The following TRIM42 variants were observed in gnomAD, a reference collection of about 807,000 sequenced individuals.
TRIM42 encodes the protein tripartite motif containing 42.
Under a neutral mutation model 64.9 loss-of-function variants are expected in TRIM42, and 59 were observed. The ratio of observed to expected loss-of-function variants is 0.91; its 90% CI spans 0.74 to 1.13. TRIM42 has a LOEUF of 1.13. TRIM42 is among the 50% of genes most tolerant of loss of function. The pLI is 0.00. For synonymous variants in TRIM42, 354 were observed against 346.3 expected, an observed-to-expected ratio of 1.02 and a Z score of -0.25; for missense variants, 878 against 929.5, an observed-to-expected ratio of 0.94 and a Z score of 0.72.
Position 140,687,009 on chromosome 3 carries a change from G to A in TRIM42, c.1040-713G>A, listed in dbSNP as rs547337352. Among the ~76,000 whole-genome samples, 5 of 152,262 alleles carry A rather than the reference G, an allele frequency of 3.3e-5. No homozygotes were observed. In the South Asian group the frequency reaches 8.3e-4, roughly 25 times the overall value. ...TAAAAGATACATGGCATGTAACAGG[G>A]CTCCAGTAAATGTTTGTTGAATGAC... On this transcript the variant is annotated intron_variant, in intron 2 of 4. Coordinates refer to ENST00000286349, the MANE Select transcript of TRIM42 (RefSeq NM_152616.5).
At position 140,682,344 on chromosome 3, in the gene TRIM42, G is replaced by A. The variant is rs1391274930; in HGVS notation, c.342-118G>A. On this transcript the variant is annotated intron_variant, in intron 1 of 4. Transcript: ENST00000286349. ...CGCAGGCACCTTAGCGCCCAGCTCA[G>A]GCTCCTCACCACCACACTAGACTGC... is the stretch of plus-strand genomic sequence containing the variant. 1.3e-5 allele frequency: 13 copies of A among 981,906 alleles called. No homozygotes were observed. In the East Asian group the frequency reaches 3.3e-4, roughly 25 times the overall value. 60.8% of individuals were successfully genotyped at this position (981,906 alleles called of 1,614,324 possible).
At chr3:140,687,622 C>T (rs1988578828) in intron 2 of TRIM42, 100 bp from the exon 3 acceptor site, 1 of 860,388 alleles carries the variant, frequency 1.2e-6, no homozygotes, top group Non-Finnish European at 1.8e-6. Flanking sequence ...CCTCTTCATT[C>T]ACCTCCTTGG....
chr3:140,693,554 T>C (rs1215816868), intron 4 of TRIM42, among the ~76,000 whole-genome samples: 2 of 152,242 alleles, frequency 1.3e-5, no homozygotes, highest in African/African-American at 2.4e-5. Context: ...AGATGTGTGT[T>C]TGAATGACAT....
At chr3:140,699,837 T>C (rs949339663) in intron 4 of TRIM42, among the ~76,000 whole-genome samples, 1 of 152,214 alleles carries the variant, frequency 6.6e-6, no homozygotes, top group Non-Finnish European at 1.5e-5. Context: ...TGCAGCCCTG[T>C]CTTCTCTAAA....
chr3:140,689,825 C>T (rs934027733), intron 3 of TRIM42, among the ~76,000 whole-genome samples: 8 of 150,864 alleles, frequency 5.3e-5, no homozygotes, highest in South Asian at 2.1e-4. Context: ...ATGCTTATTA[C>T]CTCAAGTATA....
intron 4 of TRIM42, 108 bp downstream of exon 4, chr3:140,691,300 C>T: frequency 1.1e-6 from 1 of 930,804 alleles, no homozygotes; most frequent in Non-Finnish European, 1.7e-6. Flanking sequence ...GGGACTCTTC[C>T]TCTAAGCACA....
intron 1 of TRIM42, chr3:140,680,803 T>G: frequency 1.0e-5 from 6 of 592,714 alleles, no homozygotes; most frequent in African/African-American, 2.0e-5. Flanking sequence ...GAGCATTCTC[T>G]GTCACCACAG....
At position 140,690,964 on chromosome 3, in the gene TRIM42, A is replaced by T; in HGVS notation, c.1861-4A>T. The T allele has an allele frequency of 1.2e-6, 2 of 1,609,976 alleles. No homozygotes were observed. The highest frequency in any genetic ancestry group is 2.2e-5 in the South Asian group (2 of 91,000). ...CCACACCAGTATGTTCATTTCTTCC[A>T]TAGGTTTACTGGACATGTCCAGCAG... On this transcript the variant is annotated splice_polypyrimidine_tract_variant and splice_region_variant and intron_variant, in intron 3 of 4. Transcript: ENST00000286349.
At chr3:140,680,265 C>A (rs1443408414) in intron 1 of TRIM42, among the ~76,000 whole-genome samples, 4 of 152,042 alleles carry the variant, frequency 2.6e-5, no homozygotes, top group African/African-American at 9.7e-5. Context: ...TTCAATCTGG[C>A]CTCTCTCCTG....
At position 140,687,799 on chromosome 3, in the gene TRIM42, C is replaced by G. The variant is rs141871662; in HGVS notation, c.1117C>G (p.Arg373Gly). ...NSFKADKEAK[R>G]KEIRNGFLKL... ...CTTTAAAGCTGACAAGGAGGCAAAG[C>G]GAAAAGAGATCAGAAATGGCTTTCT... Residue 373 changes from arginine (R) to glycine (G), a missense_variant, in exon 3 of 5, where the codon CGA (arginine) becomes GGA (glycine). Physicochemically the swap from Arg to Gly is moderately radical, Grantham distance 125. Coordinates refer to ENST00000286349, the MANE Select transcript of TRIM42 (RefSeq NM_152616.5). 1.2e-6 allele frequency: 2 copies of G among 1,613,964 alleles called. No homozygotes were observed. Among genetic ancestry groups the G allele is most frequent in the African/African-American group, 2.7e-5 (2 of 74,884 alleles).
intron 2 of TRIM42, among the ~76,000 whole-genome samples, chr3:140,686,973 T>C (rs1988560020): frequency 6.6e-6 from 1 of 152,222 alleles, no homozygotes; most frequent in Non-Finnish European, 1.5e-5. Context: ...CATATCCATA[T>C]TCTTAGTGCC....
At chr3:140,699,681 T>A (rs9851873) in intron 4 of TRIM42, among the ~76,000 whole-genome samples, 62,947 of 152,072 alleles carry the variant, frequency 0.41, 15,749 homozygotes, top group Non-Finnish European at 0.56. Flanking sequence ...CACCGTTCCA[T>A]CTTCCTCATG....
In TRIM42 at chr3:140,683,131, CT is replaced by C; in HGVS notation, c.1013del (p.Phe338SerfsTer18). 1.2e-6 allele frequency: 2 copies of C among 1,614,220 alleles called. No individual in the cohort carries two copies. The highest frequency in any genetic ancestry group is 1.7e-6 in the Non-Finnish European group (2 of 1,180,032). On this transcript the variant is annotated frameshift_variant, in exon 2 of 5. Transcript: ENST00000286349. LOFTEE classifies it high-confidence loss of function. ...CCTGCTCCGAGAGGGCCGCCTCACT[CT>C]TCAGCGCCATCGCCAAGTTCAAAGC... ...DACSERAASL[F>X]SAIAKFKAVR...
chr3:140,678,641 G>A lies in TRIM42; in HGVS notation c.341+71G>A, dbSNP rs974760611. ...CTAGGGACCACTTGCCAGCTGTGAA[G>A]TCTACAGGGCAGGCCAGTGAGCCTC... On this transcript the variant is annotated intron_variant, in intron 1 of 4. Transcript: ENST00000286349. 14 of 1,341,320 alleles carry A rather than the reference G, an allele frequency of 1.0e-5. No homozygotes were observed. In the Admixed American group the frequency reaches 1.2e-4, roughly 12 times the overall value. 83.1% of individuals were successfully genotyped at this position (1,341,320 alleles called of 1,614,324 possible).
chr3:140,699,887 AGGGTCT>A (rs1160050743), intron 4 of TRIM42, among the ~76,000 whole-genome samples: 1 of 152,248 alleles, frequency 6.6e-6, no homozygotes, highest in Non-Finnish European at 1.5e-5. Flanking sequence ...AATGCTAATA[AGGGTCT>A]GGCTTCTTTG....
At chr3:140,681,734 A>G (rs191668925) in intron 1 of TRIM42, among the ~76,000 whole-genome samples, 1 of 152,304 alleles carries the variant, frequency 6.6e-6, no homozygotes, top group African/African-American at 2.4e-5. Flanking sequence ...AAAGCATGGG[A>G]AAGTGTAAGG....
intron 4 of TRIM42, among the ~76,000 whole-genome samples, chr3:140,691,424 T>C (rs1988712513): frequency 1.3e-5 from 2 of 152,216 alleles, no homozygotes; most frequent in South Asian, 4.1e-4. Context: ...AGGCATTGTG[T>C]ACAGATGTAG....
chr3:140,697,840 C>T (rs868766038), intron 4 of TRIM42, among the ~76,000 whole-genome samples: 5 of 152,010 alleles, frequency 3.3e-5, no homozygotes, highest in Non-Finnish European at 7.4e-5. Flanking sequence ...CCCGCCACCA[C>T]GCCCGGCTAA....
intron 4 of TRIM42, among the ~76,000 whole-genome samples, chr3:140,698,505 C>T (rs541885309): frequency 1.3e-5 from 2 of 152,206 alleles, no homozygotes; most frequent in East Asian, 3.9e-4. Context: ...TCTTTTCACA[C>T]ACACAAAAAA....
Sources: gnomAD v4.1 joint callset for allele counts (sites outside exome capture counted in the v4.1 genomes callset) on GRCh38, gnomAD v4.1.1 for gene constraint, MANE v1.5 for transcripts, NCBI Gene and HGNC (gene_info 2026-07-23, HGNC 2026-07-21) for gene names.